Variants in SLC36A1 observed in about 807,000 individuals in gnomAD.
SLC36A1 encodes the protein solute carrier family 36 member 1.
A neutral mutation model predicts 47.5 loss-of-function variants in SLC36A1; 30 were observed. The ratio of observed to expected loss-of-function variants is 0.63; its 90% CI spans 0.47 to 0.86. SLC36A1 has a LOEUF of 0.86. Ranked by LOEUF, SLC36A1 falls within the 40% of genes least tolerant of loss-of-function variation. The pLI, the probability that SLC36A1 is intolerant of heterozygous loss-of-function variation, is 0.00. For missense variants in SLC36A1, 517 were observed against 606.0 expected (o/e 0.85, Z 1.54); for synonymous variants, 255 against 249.7 (o/e 1.02, Z -0.20).
the SLC36A1 span, among the ~76,000 whole-genome samples, chr5:151,420,864 C>G: frequency 4.6e-4 from 68 of 146,328 alleles, 1 homozygote; most frequent in African/African-American, 1.5e-3. Flanking sequence ...TCCTTTCTTT[C>G]TTTCTCTTTC....
At chr5:151,513,633 C>T in the SLC36A1 span, among the ~76,000 whole-genome samples, 88 of 152,254 alleles carry the variant, frequency 5.8e-4, no homozygotes, top group African/African-American at 2.1e-3. Context: ...AAAAAACTAC[C>T]TATCAGGAAC....
chr5:151,515,491 G>C, the SLC36A1 span, among the ~76,000 whole-genome samples: 2 of 152,092 alleles, frequency 1.3e-5, no homozygotes, highest in African/African-American at 4.8e-5. Context: ...GGTCTAATGG[G>C]CATCTGAAAC....
At chr5:151,545,392 G>A in the SLC36A1 span, 1 of 1,614,164 alleles carries the variant, frequency 6.2e-7, no homozygotes, top group Non-Finnish European at 8.5e-7. Flanking sequence ...AGCTTCATCA[G>A]CATTGCCAGT....
At chr5:151,454,225 T>C (rs1040491646) in intron 1 of SLC36A1, among the ~76,000 whole-genome samples, 26 of 152,054 alleles carry the variant, frequency 1.7e-4, no homozygotes, top group African/African-American at 5.6e-4. Flanking sequence ...AAGGACAAGC[T>C]TGCCTTCAAC....
At chr5:151,533,393 AACACACACACACACAC>A in the SLC36A1 span, among the ~76,000 whole-genome samples, 260 of 132,178 alleles carry the variant, frequency 2.0e-3, 3 homozygotes, top group Non-Finnish European at 2.2e-3. Flanking sequence ...TGTTATCTCC[AACACACACACACACAC>A]ACACACACAC....
chr5:151,357,063 T>C, the SLC36A1 span, among the ~76,000 whole-genome samples: 1 of 152,194 alleles, frequency 6.6e-6, no homozygotes, highest in Non-Finnish European at 1.5e-5. Context: ...GGGTAGGAAT[T>C]ATAGTCCCCA....
At chr5:151,381,172 G>T in the SLC36A1 span, 2 of 447,546 alleles carry the variant, frequency 4.5e-6, no homozygotes, top group Admixed American at 2.6e-5. Context: ...AGGAGCTGAT[G>T]GTGGCTGTGA....
At chr5:151,394,843 G>A in the SLC36A1 span, among the ~76,000 whole-genome samples, 25 of 152,334 alleles carry the variant, frequency 1.6e-4, no homozygotes, top group South Asian at 1.2e-3. Context: ...AGGCTACTCG[G>A]GGGTCAGGGA....
chr5:151,420,445 A>G, the SLC36A1 span, among the ~76,000 whole-genome samples: 8 of 152,150 alleles, frequency 5.3e-5, 1 homozygote, highest in Non-Finnish European at 1.0e-4. Flanking sequence ...TGATTTTCCT[A>G]TGACACGCTG....
At chr5:151,381,124 T>C in the SLC36A1 span, 1 of 489,766 alleles carries the variant, frequency 2.0e-6, no homozygotes, top group South Asian at 1.8e-5. Flanking sequence ...AGGACCTCTC[T>C]CTGGCAGGCA....
Position 151,479,224 on chromosome 5 carries a change from A to C in SLC36A1, c.990-96A>C, listed in dbSNP as rs1758487077. 1.2e-5 allele frequency: 16 copies of C among 1,324,832 alleles called. No homozygotes were observed. The South Asian group carries it at 2.2e-4, about 19-fold the overall frequency. The allele number at this position is 1,324,832 out of a possible 1,614,324, so 82.1% of individuals were successfully genotyped here. A position where few individuals can be genotyped will look rare whatever the true frequency, so the allele number is the denominator to read the frequency against. ...GACATGTGGGTTTGTATCCTTGATA[A>C]GTGTCAACAAATCGCAATGGGACCA... On this transcript the variant is annotated intron_variant, in intron 9 of 10. Coordinates refer to ENST00000243389, the MANE Select transcript of SLC36A1 (RefSeq NM_078483.4).
the SLC36A1 span, chr5:151,347,396 G>T: frequency 3.9e-5 from 63 of 1,614,192 alleles, no homozygotes; most frequent in East Asian, 1.3e-3. Context: ...TTCAGGAGGC[G>T]ACATAAGGTC....
At chr5:151,496,187 G>A (rs1320642109), downstream of SLC36A1, among the ~76,000 whole-genome samples, 1 of 152,174 alleles carries the variant, frequency 6.6e-6, no homozygotes, top group Non-Finnish European at 1.5e-5. Context: ...CACGAGATCT[G>A]ATGGTTTTAA....
rs1159961645 is a variant in SLC36A1, at chr5:151,476,635, C to G, written c.868C>G (p.Leu290Val). The change falls in exon 9 of 11, where the codon CTC becomes GTC. Residue 290 changes from leucine to valine, a missense_variant. Leu to Val is a conservative substitution (Grantham distance 32, BLOSUM62 1). Coordinates refer to ENST00000243389, the MANE Select transcript of SLC36A1 (RefSeq NM_078483.4). ...NKMKDPRKFP[L>V]ILYLGMVIVT... is the part of the protein sequence containing the mutation. ...AATGAAGGATCCTCGGAAGTTCCCA[C>G]TCATCCTGTACCTGGGCATGGTCAT... 1 of 1,609,942 alleles carries G rather than the reference C, an allele frequency of 6.2e-7. No homozygotes were observed. Among genetic ancestry groups the G allele is most frequent in the Admixed American group, 1.7e-5 (1 of 59,332 alleles).
Position 151,490,972 on chromosome 5 carries a change from C to CT in SLC36A1, c.*2721dup. The CT allele has an allele frequency of 6.6e-6, 1 of 152,498 alleles. No individual in the cohort carries two copies. 9.4% of individuals were successfully genotyped at this position (152,498 alleles called of 1,614,324 possible). A position where few individuals can be genotyped will look rare whatever the true frequency, so the allele number is the denominator to read the frequency against. ...TGATCACAGAGCAACGGAGCAAAGGCTTTCGGGAGTGTGAGGCTGCATCTG... is the reference window on the plus strand; with the variant it reads ...TGATCACAGAGCAACGGAGCAAAGGCTTTTCGGGAGTGTGAGGCTGCATCTG... On this transcript the variant is annotated 3_prime_UTR_variant, in exon 11 of 11. Coordinates refer to ENST00000243389, the MANE Select transcript of SLC36A1 (RefSeq NM_078483.4).
At chr5:151,400,370 T>C in the SLC36A1 span, among the ~76,000 whole-genome samples, 1 of 152,324 alleles carries the variant, frequency 6.6e-6, no homozygotes, top group Non-Finnish European at 1.5e-5. Flanking sequence ...GTATTCCATG[T>C]GGTATATGTA....
rs2127556557 is a variant in SLC36A1 at position 151,492,123 on chromosome 5, C to T, written c.*3869C>T. On this transcript the variant is annotated 3_prime_UTR_variant, in exon 11 of 11. Coordinates refer to ENST00000243389, the MANE Select transcript of SLC36A1 (RefSeq NM_078483.4). The stretch of plus-strand genomic sequence containing the variant: ...AAGTGATTCTGGGGGAAGCTATGCT[C>T]TTTCAGTGGATAATAAAATTGGTAA... 1 of 152,300 alleles carries T rather than the reference C, an allele frequency of 6.6e-6. No homozygotes were observed. The highest frequency in any genetic ancestry group is 1.9e-4 in the East Asian group (1 of 5,190). 9.4% of individuals were successfully genotyped at this position (152,300 alleles called of 1,614,324 possible).
At chr5:151,403,223 T>G in the SLC36A1 span, among the ~76,000 whole-genome samples, 1 of 152,216 alleles carries the variant, frequency 6.6e-6, no homozygotes, top group Non-Finnish European at 1.5e-5. Context: ...TTTCATCTAT[T>G]TCAAAGAATC....
Position 151,488,403 on chromosome 5 carries a change from C to G in SLC36A1, c.*149C>G. Reference sequence around the variant, plus strand: ...TGCCTGGCACCTGGATACCCTGGGCCAGGTAACCTGAGGGCAGGGGAGAGG... The same window carrying G: ...TGCCTGGCACCTGGATACCCTGGGCGAGGTAACCTGAGGGCAGGGGAGAGG... On this transcript the variant is annotated 3_prime_UTR_variant, in exon 11 of 11. Coordinates refer to ENST00000243389, the MANE Select transcript of SLC36A1 (RefSeq NM_078483.4). 1.2e-5 allele frequency: 13 copies of G among 1,055,612 alleles called. 1 individual carries two copies. In the South Asian group the frequency reaches 2.0e-4, roughly 16 times the overall value. The allele number at this position is 1,055,612 out of a possible 1,614,324, so 65.4% of individuals were successfully genotyped here.
Sources: gnomAD v4.1 joint callset for allele counts (sites outside exome capture counted in the v4.1 genomes callset) on GRCh38, gnomAD v4.1.1 for gene constraint, MANE v1.5 for transcripts, NCBI Gene and HGNC (gene_info 2026-07-23, HGNC 2026-07-21) for gene names.